The following RBFOX2 variants were observed in gnomAD, a reference collection of about 807,000 sequenced individuals.
The protein encoded by RBFOX2 is RNA binding protein fox-1 homolog 2.
In RBFOX2, 10 loss-of-function variants were observed where a neutral mutation model predicts 49.1. The ratio of observed to expected loss-of-function variants is 0.20; its 90% CI spans 0.13 to 0.35. RBFOX2 has a LOEUF of 0.35. RBFOX2 is among the 10% of genes least tolerant of loss of function. The pLI, the probability that RBFOX2 is intolerant of heterozygous loss-of-function variation, is 1.00. For missense variants in RBFOX2, 323 were observed against 486.9 expected, an observed-to-expected ratio of 0.66 and a Z score of 3.17; for synonymous variants, 183 against 187.4, an observed-to-expected ratio of 0.98 and a Z score of 0.19.
intron 1 of RBFOX2, among the ~76,000 whole-genome samples, chr22:35,876,968 G>C (rs1353244038): frequency 6.6e-6 from 1 of 152,218 alleles, no homozygotes; most frequent in African/African-American, 2.4e-5. Context: ...TTGGTTGGTA[G>C]AAGACAAATT....
At chr22:35,949,331 A>C (rs1212439478) in intron 1 of RBFOX2, among the ~76,000 whole-genome samples, 1 of 152,222 alleles carries the variant, frequency 6.6e-6, no homozygotes, top group Non-Finnish European at 1.5e-5. Flanking sequence ...ATTGTGAATA[A>C]AGCTGCTATG....
At chr22:35,767,126 A>T (rs1250057945) in intron 5 of RBFOX2, among the ~76,000 whole-genome samples, 2 of 152,100 alleles carry the variant, frequency 1.3e-5, no homozygotes, top group African/African-American at 4.8e-5. Flanking sequence ...GAAAAAAATC[A>T]CCATGAAGTC....
chr22:35,785,874 C>G (rs1946277492), intron 2 of RBFOX2, among the ~76,000 whole-genome samples: 1 of 152,200 alleles, frequency 6.6e-6, no homozygotes, highest in South Asian at 2.1e-4. Flanking sequence ...GTTACTAAAA[C>G]AGCATCAAGC....
At chr22:35,792,377 GA>G (rs1947927079) in intron 2 of RBFOX2, among the ~76,000 whole-genome samples, 1 of 139,614 alleles carries the variant, frequency 7.2e-6, no homozygotes, top group Non-Finnish European at 1.6e-5. Context: ...AAAAGAAAAA[GA>G]AATTAGGCAA....
At chr22:35,797,788 T>C (rs1483720413) in intron 2 of RBFOX2, among the ~76,000 whole-genome samples, 4 of 152,238 alleles carry the variant, frequency 2.6e-5, no homozygotes, top group Admixed American at 1.3e-4. Flanking sequence ...TTTAGGGAAC[T>C]GCCAGTGATC....
At chr22:35,780,463 A>T (rs1294885294) in intron 3 of RBFOX2, among the ~76,000 whole-genome samples, 2 of 152,166 alleles carry the variant, frequency 1.3e-5, no homozygotes, top group African/African-American at 2.4e-5. Context: ...AAAAATTAAG[A>T]TCCTTAGCAG....
intron 1 of RBFOX2, among the ~76,000 whole-genome samples, chr22:35,888,352 G>A (rs1023219594): frequency 2.0e-5 from 3 of 152,122 alleles, no homozygotes; most frequent in Non-Finnish European, 4.4e-5. Flanking sequence ...TCTGAGAAAT[G>A]CATCACTGAG....
chr22:35,975,455 GGAAA>G (rs1453460347), intron 1 of RBFOX2, among the ~76,000 whole-genome samples: 2 of 152,110 alleles, frequency 1.3e-5, no homozygotes, highest in African/African-American at 4.8e-5. Flanking sequence ...GCAAAGTTAA[GGAAA>G]GATTAAGAAA....
intron 1 of RBFOX2, among the ~76,000 whole-genome samples, chr22:35,829,407 G>A (rs12167991): frequency 0.043 from 6,538 of 152,090 alleles, 476 homozygotes; most frequent in African/African-American, 0.15. Context: ...CATGAGAGGT[G>A]TGAAAAAGAC....
At chr22:36,008,675 G>A (rs1375476073) in intron 1 of RBFOX2, among the ~76,000 whole-genome samples, 2 of 152,032 alleles carry the variant, frequency 1.3e-5, no homozygotes, top group African/African-American at 4.8e-5. Flanking sequence ...AAAATTAACT[G>A]GGCGTGGTGG....
At chr22:35,887,632 C>A (rs948410489) in intron 1 of RBFOX2, among the ~76,000 whole-genome samples, 1 of 152,092 alleles carries the variant, frequency 6.6e-6, no homozygotes. Flanking sequence ...TGCTTCCAAA[C>A]CACTTCTCTT....
intron 9 of RBFOX2, among the ~76,000 whole-genome samples, chr22:35,753,640 A>C (rs999731845): frequency 1.6e-4 from 24 of 151,924 alleles, no homozygotes; most frequent in South Asian, 1.0e-3. Flanking sequence ...AAAAAAAAAA[A>C]CCAAGAGTAT....
At chr22:35,775,243 C>T (rs1031629494) in intron 4 of RBFOX2, among the ~76,000 whole-genome samples, 5 of 152,168 alleles carry the variant, frequency 3.3e-5, no homozygotes, top group African/African-American at 1.2e-4. Flanking sequence ...TCCAAGGGCA[C>T]CCATTCCAGC....
intron 1 of RBFOX2, among the ~76,000 whole-genome samples, chr22:35,978,758 T>C (rs750340048): frequency 6.6e-5 from 10 of 152,160 alleles, no homozygotes; most frequent in Non-Finnish European, 1.0e-4. Flanking sequence ...TGAGTCCATT[T>C]GATAGAAATA....
intron 1 of RBFOX2, among the ~76,000 whole-genome samples, chr22:35,977,117 T>C (rs943861034): frequency 1.3e-5 from 2 of 152,000 alleles, no homozygotes; most frequent in African/African-American, 4.8e-5. Flanking sequence ...AAAATACAAA[T>C]TGAAGCCACG....
intron 1 of RBFOX2, among the ~76,000 whole-genome samples, chr22:35,980,222 A>G (rs1318291739): frequency 2.6e-5 from 4 of 152,160 alleles, no homozygotes; most frequent in Non-Finnish European, 5.9e-5. Flanking sequence ...ACACACACAC[A>G]TCTCTCCAAG....
intron 1 of RBFOX2, among the ~76,000 whole-genome samples, chr22:35,923,636 A>T (rs185641858): frequency 6.6e-6 from 1 of 152,254 alleles, no homozygotes; most frequent in East Asian, 1.9e-4. Context: ...TATGCCACTT[A>T]TTACCACCCT....
chr22:35,812,749 C>T (rs934958830), intron 1 of RBFOX2, among the ~76,000 whole-genome samples: 1 of 152,132 alleles, frequency 6.6e-6, no homozygotes, highest in Non-Finnish European at 1.5e-5. Context: ...TTAACAAGGC[C>T]AAGGCGACTT....
intron 1 of RBFOX2, among the ~76,000 whole-genome samples, chr22:36,014,723 GAGAA>G (rs1374706198): frequency 2.6e-5 from 4 of 152,064 alleles, no homozygotes; most frequent in African/African-American, 9.7e-5. Context: ...ACCACTCCTA[GAGAA>G]AGAAACGCAG....
Sources: allele counts gnomAD v4.1 joint callset (sites outside exome capture counted in the v4.1 genomes callset), GRCh38; gene constraint gnomAD v4.1.1; transcripts MANE v1.5; gene names NCBI Gene and HGNC (gene_info 2026-07-23, HGNC 2026-07-21).